Variants in NAV2 observed in about 807,000 individuals in gnomAD.
NAV2 encodes helicase, APC down-regulated 1.
NAV2 carries 54 observed loss-of-function variants against 223.2 expected under a neutral mutation model. The ratio of observed to expected loss-of-function variants is 0.24; its 90% CI spans 0.19 to 0.30. NAV2 has a LOEUF of 0.30. Ranked by LOEUF, NAV2 falls within the 10% of genes least tolerant of loss-of-function variation. The pLI, the probability that NAV2 is intolerant of heterozygous loss-of-function variation, is 1.00. For missense variants in NAV2, 2,806 were observed against 3,147.5 expected, an observed-to-expected ratio of 0.89 and a Z score of 2.60; for synonymous variants, 1,279 against 1,239.3, an observed-to-expected ratio of 1.03 and a Z score of -0.67.
intron 1 of NAV2, among the ~76,000 whole-genome samples, chr11:19,803,746 T>C (rs1310941242): frequency 6.6e-6 from 1 of 152,256 alleles, no homozygotes; most frequent in Non-Finnish European, 1.5e-5. Context: ...TTCTTCTCCC[T>C]GCTTTTGCAA....
chr11:19,955,231 A>G (rs1024377549), intron 10 of NAV2, among the ~76,000 whole-genome samples: 3 of 151,988 alleles, frequency 2.0e-5, no homozygotes, highest in African/African-American at 7.3e-5. Context: ...ATATAGTGAG[A>G]CCTGTTGCAA....
intron 11 of NAV2, among the ~76,000 whole-genome samples, chr11:20,005,763 A>T (rs1052390790): frequency 2.0e-5 from 3 of 152,202 alleles, no homozygotes; most frequent in Admixed American, 6.5e-5. Context: ...TTTTCATGCC[A>T]GAAAACTGAA....
intron 35 of NAV2, among the ~76,000 whole-genome samples, chr11:20,106,155 G>GTA (rs1554968868): frequency 0.17 from 5,395 of 31,450 alleles, 654 homozygotes; most frequent in Non-Finnish European, 0.33. Context: ...GTGTGTGTGT[G>GTA]TATATATATA....
In NAV2 at chr11:19,833,068, G is replaced by A. The variant is rs182887332; in HGVS notation, c.385+467G>A. Among the ~76,000 whole-genome samples the A allele has an allele frequency of 1.9e-3, 287 of 152,336 alleles. No individual in the cohort carries two copies. The Middle Eastern group carries it at 0.044, about 23-fold the overall frequency. On this transcript the variant is annotated intron_variant, in intron 2 of 37. Transcript: ENST00000349880. ...CTCCAGAGAGGATTAGATGGTCCGG[G>A]TTAATACTAGGGGAAGGGAACTTGA...
chr11:19,431,438 A>G (rs1166413333), intron 1 of NAV2, among the ~76,000 whole-genome samples: 1 of 152,234 alleles, frequency 6.6e-6, no homozygotes, highest in African/African-American at 2.4e-5. Context: ...CACTGAGCAC[A>G]GAAGCCACAA....
intron 1 of NAV2, among the ~76,000 whole-genome samples, chr11:19,466,303 A>C (rs1265766216): frequency 1.3e-5 from 2 of 152,166 alleles, no homozygotes; most frequent in African/African-American, 2.4e-5. Context: ...CCTGTCCACA[A>C]TCCCTTATTT....
At chr11:19,693,989 T>C (rs1325342248) in intron 1 of NAV2, among the ~76,000 whole-genome samples, 2 of 152,218 alleles carry the variant, frequency 1.3e-5, no homozygotes, top group African/African-American at 4.8e-5. Context: ...CATCTAAAAA[T>C]AAACAGCTGC....
chr11:19,997,267 G>C (rs1288787825), intron 11 of NAV2, among the ~76,000 whole-genome samples: 2 of 152,184 alleles, frequency 1.3e-5, no homozygotes, highest in African/African-American at 2.4e-5. Context: ...CCAGAAGCTG[G>C]TGGAGCACTA....
At chr11:19,628,471 TC>T (rs1331198281) in intron 1 of NAV2, among the ~76,000 whole-genome samples, 1 of 152,048 alleles carries the variant, frequency 6.6e-6, no homozygotes, top group Non-Finnish European at 1.5e-5. Context: ...TTCACAGATA[TC>T]CCCACACCCC....
At chr11:20,064,705 T>C (rs1157962023) in intron 20 of NAV2, among the ~76,000 whole-genome samples, 2 of 152,236 alleles carry the variant, frequency 1.3e-5, no homozygotes, top group Non-Finnish European at 2.9e-5. Flanking sequence ...AGATACTGTT[T>C]TCATGAAATT....
At chr11:19,926,336 C>T (rs1370471101) in intron 6 of NAV2, among the ~76,000 whole-genome samples, 1 of 152,198 alleles carries the variant, frequency 6.6e-6, no homozygotes, top group African/African-American at 2.4e-5. Flanking sequence ...TGTCTCCATT[C>T]TTTGTTTGTC....
Position 20,095,675 on chromosome 11 carries a change from T to C in NAV2, c.5920T>C (p.Ser1974Pro). 1.2e-6 allele frequency: 2 copies of C among 1,611,952 alleles called. No individual in the cohort carries two copies. Among genetic ancestry groups the C allele is most frequent in the Non-Finnish European group, 1.7e-6 (2 of 1,178,026 alleles). Residue 1974 changes from serine (S) to proline (P), a missense_variant, in exon 30 of 38, where the codon TCC becomes CCC. By Grantham distance (74) the Ser-to-Pro change is moderately conservative. Transcript: ENST00000349880. ...FQEEMKWKEDSRPHLFLIGCI... is the reference protein window; with the variant it reads ...FQEEMKWKEDPRPHLFLIGCI... ...GTGTACATTTCCTTACCCTTAGGAT[T>C]CCAGACCACATCTCTTTCTTATTGG...
At chr11:19,859,143 T>TTTTTTTTTTTTTTTTG (rs2061544931) in intron 3 of NAV2, among the ~76,000 whole-genome samples, 1 of 102,602 alleles carries the variant, frequency 9.7e-6, no homozygotes, top group Admixed American at 9.2e-5. Context: ...TTCTCTTTTT[T>TTTTTTTTTTTTTTTTG]TTTTTTTTTT....
At chr11:20,113,224 C>T (rs2062785488) in intron 36 of NAV2, among the ~76,000 whole-genome samples, 1 of 152,184 alleles carries the variant, frequency 6.6e-6, no homozygotes, top group Non-Finnish European at 1.5e-5. Flanking sequence ...GATATTAGTA[C>T]TTCCTCTTGG....
chr11:19,478,863 G>A (rs1157096652), intron 1 of NAV2, among the ~76,000 whole-genome samples: 2 of 152,184 alleles, frequency 1.3e-5, no homozygotes, highest in Non-Finnish European at 1.5e-5. Flanking sequence ...TTTTAGAAAC[G>A]AGGCTTTCCC....
At chr11:19,742,024 T>G (rs541669347) in intron 1 of NAV2, among the ~76,000 whole-genome samples, 19 of 152,000 alleles carry the variant, frequency 1.3e-4, no homozygotes, top group Admixed American at 1.2e-3. Flanking sequence ...TTGACTTTTT[T>G]TGGATGATAG....
At chr11:19,954,960 TATACATATACACAC>T (rs1565636288) in intron 10 of NAV2, among the ~76,000 whole-genome samples, 1 of 49,642 alleles carries the variant, frequency 2.0e-5, no homozygotes, top group South Asian at 1.0e-3. Flanking sequence ...TACATATATA[TATACATATACACAC>T]ATATATATAT....
intron 1 of NAV2, among the ~76,000 whole-genome samples, chr11:19,656,645 G>C (rs1388343141): frequency 6.6e-6 from 1 of 152,170 alleles, no homozygotes; most frequent in Admixed American, 6.5e-5. Flanking sequence ...AGGGGGACTT[G>C]GTACAGGGTG....
At chr11:20,107,131 G>A (rs1444516666) in intron 35 of NAV2, 1 of 127,844 alleles carries the variant, frequency 7.8e-6, no homozygotes, top group African/African-American at 3.1e-5. Flanking sequence ...AGGCTGGAGT[G>A]CAGTGGCGCA....
Sources: gnomAD v4.1 joint callset for allele counts (sites outside exome capture counted in the v4.1 genomes callset) on GRCh38, gnomAD v4.1.1 for gene constraint, MANE v1.5 for transcripts, NCBI Gene and HGNC (gene_info 2026-07-23, HGNC 2026-07-21) for gene names.